GRM3: variants seen among roughly 807,000 people sequenced by gnomAD.
GRM3 encodes the protein metabotropic glutamate receptor 3.
A neutral mutation model predicts 70.5 loss-of-function variants in GRM3; 26 were observed. The observed-to-expected ratio is 0.37, with a 90% confidence interval of 0.27 to 0.51. The LOEUF (loss-of-function observed/expected upper bound fraction) is 0.51. GRM3 is among the 20% of genes least tolerant of loss of function. The pLI is 0.93. For synonymous variants in GRM3, 443 were observed against 434.9 expected, an observed-to-expected ratio of 1.02 and a Z score of -0.23; for missense variants, 859 against 1,123.8, an observed-to-expected ratio of 0.76 and a Z score of 3.37.
chr7:86,646,015 GTGGGAGGGAGTTTA>G (rs1562811330), intron 1 of GRM3, among the ~76,000 whole-genome samples: 42 of 57,118 alleles, frequency 7.4e-4, no homozygotes, highest in African/African-American at 2.1e-3. Context: ...GTGGGGGGGG[GTGGGAGGGAGTTTA>G]GGGGGTGGAG....
chr7:86,757,028 T>C (rs889615315), intron 1 of GRM3, among the ~76,000 whole-genome samples: 9 of 152,156 alleles, frequency 5.9e-5, no homozygotes, highest in African/African-American at 1.7e-4. Context: ...AATCTCCATA[T>C]AGTATTTTTA....
At chr7:86,704,455 T>C (rs771671118) in intron 1 of GRM3, among the ~76,000 whole-genome samples, 2 of 151,920 alleles carry the variant, frequency 1.3e-5, no homozygotes, top group Admixed American at 6.6e-5. Context: ...ATTTTTACTA[T>C]GAACAAAAAC....
chr7:86,794,330 C>CA (rs1256766366), intron 3 of GRM3, among the ~76,000 whole-genome samples: 6 of 152,146 alleles, frequency 3.9e-5, no homozygotes, highest in African/African-American at 1.4e-4. Context: ...GAAAAGCTAT[C>CA]AGATTGCTGT....
At chr7:86,775,834 C>T (rs1796871957) in intron 2 of GRM3, 2 of 152,016 alleles carry the variant, frequency 1.3e-5, no homozygotes, top group African/African-American at 4.8e-5. Context: ...CCACTTATTC[C>T]TCAACATCAA....
chr7:86,661,920 G>A (rs995406696), intron 1 of GRM3, among the ~76,000 whole-genome samples: 3 of 151,788 alleles, frequency 2.0e-5, no homozygotes, highest in Non-Finnish European at 3.0e-5. Flanking sequence ...TAATGCTTCT[G>A]TAATTGAGAT....
At chr7:86,664,011 C>A (rs1383491740) in intron 1 of GRM3, among the ~76,000 whole-genome samples, 3 of 151,886 alleles carry the variant, frequency 2.0e-5, no homozygotes, top group Non-Finnish European at 4.4e-5. Flanking sequence ...CACCTATGAG[C>A]AACTGAAAGG....
At chr7:86,787,157 A>G in intron 3 of GRM3, 41 bp downstream of exon 3, 8 of 1,515,296 alleles carry the variant, frequency 5.3e-6, no homozygotes, top group Non-Finnish European at 7.1e-6. Flanking sequence ...GATGCAAACA[A>G]GTGAAATAAA....
intron 1 of GRM3, among the ~76,000 whole-genome samples, chr7:86,652,594 G>C (rs1793635341): frequency 1.3e-5 from 2 of 152,212 alleles, no homozygotes. Context: ...CTCGAAAAGT[G>C]CTGGGGTTAC....
intron 2 of GRM3, chr7:86,785,997 G>C: frequency 2.3e-6 from 1 of 428,076 alleles, no homozygotes. Flanking sequence ...ACAGAGTATA[G>C]AAGAGAGTGT....
At chr7:86,654,473 A>G (rs1793684463) in intron 1 of GRM3, among the ~76,000 whole-genome samples, 1 of 152,152 alleles carries the variant, frequency 6.6e-6, no homozygotes, top group East Asian at 1.9e-4. Flanking sequence ...TGATGATGTC[A>G]CTTCTACTGG....
chr7:86,653,083 T>C (rs1793646981), intron 1 of GRM3, among the ~76,000 whole-genome samples: 1 of 152,170 alleles, frequency 6.6e-6, no homozygotes, highest in Admixed American at 6.5e-5. Flanking sequence ...AAGTCCATGA[T>C]TAAGATTATA....
chr7:86,666,765 T>C (rs570322904), intron 1 of GRM3, among the ~76,000 whole-genome samples: 88 of 152,200 alleles, frequency 5.8e-4, no homozygotes, highest in African/African-American at 2.1e-3. Context: ...ATATTTTGTT[T>C]GGACAAATTA....
At chr7:86,722,976 A>C (rs1432158214) in intron 1 of GRM3, among the ~76,000 whole-genome samples, 1 of 152,030 alleles carries the variant, frequency 6.6e-6, no homozygotes, top group Non-Finnish European at 1.5e-5. Context: ...ACTCATTTCA[A>C]ATATATCTGG....
chr7:86,809,156 A>G (rs867769137), intron 3 of GRM3, among the ~76,000 whole-genome samples: 4 of 152,110 alleles, frequency 2.6e-5, no homozygotes, highest in African/African-American at 9.7e-5. Context: ...CATGTTTTAA[A>G]GTCTCCAAGC....
At chr7:86,739,467 A>G (rs1795936544) in intron 1 of GRM3, among the ~76,000 whole-genome samples, 1 of 152,196 alleles carries the variant, frequency 6.6e-6, no homozygotes, top group Non-Finnish European at 1.5e-5. Context: ...CCTGATTGAT[A>G]TATAAAAACT....
At chr7:86,675,647 A>G (rs1794287979) in intron 1 of GRM3, among the ~76,000 whole-genome samples, 1 of 152,228 alleles carries the variant, frequency 6.6e-6, no homozygotes, top group East Asian at 1.9e-4. Context: ...ATTCTAAAGA[A>G]TTATACTGCA....
intron 5 of GRM3, among the ~76,000 whole-genome samples, chr7:86,860,425 A>G (rs750503853): frequency 3.9e-5 from 6 of 152,228 alleles, no homozygotes; most frequent in Non-Finnish European, 8.8e-5. Flanking sequence ...TTTTCTTCAT[A>G]ATAAAATGCA....
At chr7:86,646,143 C>T (rs1383897491) in intron 1 of GRM3, among the ~76,000 whole-genome samples, 1 of 151,982 alleles carries the variant, frequency 6.6e-6, no homozygotes, top group Non-Finnish European at 1.5e-5. Context: ...ATCTAGATTG[C>T]CACTATGCTA....
At position 86,839,829 on chromosome 7, in the gene GRM3, G is replaced by T. The variant is rs1314066714; in HGVS notation, c.2315G>T (p.Gly772Val). The T allele has an allele frequency of 3.1e-6, 5 of 1,613,964 alleles. No individual in the cohort carries two copies. Among genetic ancestry groups the T allele is most frequent in the Non-Finnish European group, 4.2e-6 (5 of 1,179,894 alleles). The change falls in exon 4 of 6, where the codon GGT becomes GTT. Residue 772 changes from glycine (G) to valine (V), a missense_variant. Transcript: ENST00000361669. This position sits in a 1 kb window ranked among gnomAD's most constrained non-coding sequence, Gnocchi z 4.5. ...AATTTCAACGAAGCTAAGTTCATAG[G>T]TTTTACCATGTACACCACGTGCATC... ...PENFNEAKFIGFTMYTTCIIW... is the reference protein window; with the variant it reads ...PENFNEAKFIVFTMYTTCIIW...
Sources: allele counts gnomAD v4.1 joint callset (sites outside exome capture counted in the v4.1 genomes callset), GRCh38; gene constraint gnomAD v4.1.1; non-coding constraint Gnocchi (gnomAD v3.1); transcripts MANE v1.5; gene names NCBI Gene and HGNC (gene_info 2026-07-23, HGNC 2026-07-21).